The following DTL variants were observed in gnomAD, a reference collection of about 807,000 sequenced individuals.
DTL encodes the protein denticleless protein homolog.
A neutral mutation model predicts 87.0 loss-of-function variants in DTL; 46 were observed. The ratio of observed to expected loss-of-function variants is 0.53; its 90% confidence interval spans 0.42 to 0.68. The LOEUF (loss-of-function observed/expected upper bound fraction) is 0.68. Among genes scored for constraint, DTL ranks in the 30% least tolerant of loss-of-function variants. The pLI is 0.00. For synonymous variants in DTL, 308 were observed against 311.2 expected (o/e 0.99, Z 0.11); for missense variants, 737 against 869.4 (o/e 0.85, Z 1.91).
intron 13 of DTL, among the ~76,000 whole-genome samples, chr1:212,089,433 GT>G (rs1336603526): frequency 6.6e-6 from 1 of 152,148 alleles, no homozygotes; most frequent in African/African-American, 2.4e-5. Flanking sequence ...GTATTTTGGG[GT>G]TTTTTAAGGT....
intron 13 of DTL, among the ~76,000 whole-genome samples, chr1:212,093,932 G>C (rs546695420): frequency 6.6e-6 from 1 of 152,162 alleles, no homozygotes; most frequent in South Asian, 2.1e-4. Flanking sequence ...CATTTAAAGG[G>C]ACCATGCTCT....
chr1:212,091,964 C>T (rs566301934), intron 13 of DTL, among the ~76,000 whole-genome samples: 13 of 152,246 alleles, frequency 8.5e-5, no homozygotes, highest in South Asian at 6.2e-4. Flanking sequence ...AGTGATCTCT[C>T]CTTTTTTAAA....
rs1247040872 is a variant in DTL at position 212,062,897 on chromosome 1, G to A, written c.474G>A (p.Thr158=). Residue 158 remains threonine, a synonymous_variant, in exon 6 of 15, where the codon ACG becomes ACA. Coordinates refer to ENST00000366991, the MANE Select transcript of DTL (RefSeq NM_016448.4). ...FSKFEKAVFC[T]GGRDGNIMVW... ...ATTTCCCCACAGCTGTATTCTGTAC[G>A]GGTGGAAGAGATGGCAACATTATGG... The A allele has an allele frequency of 3.1e-6, 5 of 1,613,188 alleles. No individual in the cohort carries two copies. The highest frequency in any genetic ancestry group is 2.2e-5 in the South Asian group (2 of 91,064).
chr1:212,060,675 C>G (rs866503568), intron 5 of DTL, among the ~76,000 whole-genome samples: 1 of 144,958 alleles, frequency 6.9e-6, no homozygotes, highest in Non-Finnish European at 1.5e-5. Context: ...GCAGAAATTG[C>G]AATGAGCCAA....
At position 212,064,792 on chromosome 1, in the gene DTL, G is replaced by A. The variant is rs529865862; in HGVS notation, c.527-125G>A. On this transcript the variant is annotated intron_variant, in intron 6 of 14. Coordinates refer to ENST00000366991, the MANE Select transcript of DTL (RefSeq NM_016448.4). ...TCACCACAGGAGATGTAGTGCAGCT[G>A]GCTCTGCTGGCTTCTAATTTCACCA... 1.6e-4 allele frequency: 111 copies of A among 703,570 alleles called. No individual in the cohort carries two copies. In the African/African-American group the frequency reaches 1.8e-3, roughly 11 times the overall value. The allele number at this position is 703,570 out of a possible 1,614,324, so 43.6% of individuals were successfully genotyped here. A position where few individuals can be genotyped will look rare whatever the true frequency, so the allele number is the denominator to read the frequency against.
At chr1:212,041,299 T>TA (rs1446244330) in intron 1 of DTL, among the ~76,000 whole-genome samples, 3 of 152,136 alleles carry the variant, frequency 2.0e-5, no homozygotes, top group Non-Finnish European at 2.9e-5. Context: ...TGTTTAATTG[T>TA]AAAAAATTGT....
At chr1:212,079,812 G>A (rs942496999) in intron 12 of DTL, among the ~76,000 whole-genome samples, 3 of 152,272 alleles carry the variant, frequency 2.0e-5, no homozygotes, top group Middle Eastern at 3.4e-3. Context: ...AGTAAGGAAA[G>A]GAAAAAGCTG....
chr1:212,057,007 A>C (rs1351041634), intron 5 of DTL, among the ~76,000 whole-genome samples: 1 of 152,136 alleles, frequency 6.6e-6, no homozygotes, highest in African/African-American at 2.4e-5. Flanking sequence ...GGGACACTAT[A>C]AAGTGGCCAA....
chr1:212,095,342 T>G (rs954564428), intron 13 of DTL, among the ~76,000 whole-genome samples: 1 of 152,198 alleles, frequency 6.6e-6, no homozygotes, highest in African/African-American at 2.4e-5. Context: ...CTGCTTCTAT[T>G]GAAGTGATCA....
At chr1:212,051,222 A>G (rs971353942) in intron 5 of DTL, among the ~76,000 whole-genome samples, 3 of 152,048 alleles carry the variant, frequency 2.0e-5, no homozygotes, top group East Asian at 1.9e-4. Context: ...TTCAGATTCA[A>G]CATATCAAAA....
At chr1:212,091,991 G>A (rs183056303) in intron 13 of DTL, among the ~76,000 whole-genome samples, 77 of 152,094 alleles carry the variant, frequency 5.1e-4, no homozygotes, top group African/African-American at 1.7e-3. Flanking sequence ...CAATAGTTTT[G>A]GGGGAACCAG....
intron 5 of DTL, among the ~76,000 whole-genome samples, chr1:212,054,234 T>C (rs1668091851): frequency 6.6e-6 from 1 of 152,122 alleles, no homozygotes; most frequent in South Asian, 2.1e-4. Context: ...GTTCCCTTTC[T>C]CTAGCTGTCT....
At chr1:212,043,374 T>C (rs909525770) in intron 2 of DTL, among the ~76,000 whole-genome samples, 1 of 152,214 alleles carries the variant, frequency 6.6e-6, no homozygotes, top group Non-Finnish European at 1.5e-5. Flanking sequence ...AGGAAGGGGT[T>C]GCAAAGGTTC....
Position 212,101,049 on chromosome 1 carries a change from T to C in DTL, c.2059T>C (p.Ser687Pro). The C allele has an allele frequency of 1.9e-6, 3 of 1,612,458 alleles. No homozygotes were observed. Among genetic ancestry groups the C allele is most frequent in the Non-Finnish European group, 2.5e-6 (3 of 1,179,310 alleles). ...PRSPSSQTPNSRRQSGKKLPS... is the reference protein window; with the variant it reads ...PRSPSSQTPNPRRQSGKKLPS... The stretch of plus-strand genomic sequence containing the variant: ...AAGTCCGTCATCCCAGACACCCAAT[T>C]CCAGGAGACAGAGCGGAAAGAAATT... The change falls in exon 14 of 15, where the codon TCC (serine) becomes CCC (proline). Residue 687 changes from serine to proline, a missense_variant. Ser to Pro is a moderately conservative substitution (Grantham distance 74). Coordinates refer to ENST00000366991, the MANE Select transcript of DTL (RefSeq NM_016448.4).
At position 212,104,466 on chromosome 1, in the gene DTL, A is replaced by T; in HGVS notation, c.*1526A>T. 6.6e-6 allele frequency: 1 copy of T among 152,160 alleles called. No homozygotes were observed. Among genetic ancestry groups the T allele is most frequent in the East Asian group, 1.9e-4 (1 of 5,200 alleles). 9.4% of individuals were successfully genotyped at this position (152,160 alleles called of 1,614,324 possible). A position where few individuals can be genotyped will look rare whatever the true frequency, so the allele number is the denominator to read the frequency against. ...AACTGAATATTTAGGAAATCTGCCTAATCTGCTTATATTTGGTGTTTGTTT... is the reference window on the plus strand; with the variant it reads ...AACTGAATATTTAGGAAATCTGCCTTATCTGCTTATATTTGGTGTTTGTTT... On this transcript the variant is annotated 3_prime_UTR_variant, in exon 15 of 15. Coordinates refer to ENST00000366991, the MANE Select transcript of DTL (RefSeq NM_016448.4).
intron 5 of DTL, among the ~76,000 whole-genome samples, chr1:212,049,597 T>A (rs1299237306): frequency 1.3e-5 from 2 of 152,206 alleles, no homozygotes; most frequent in Non-Finnish European, 2.9e-5. Flanking sequence ...AGTTCATAGG[T>A]ACTCTAGTGT....
intron 12 of DTL, among the ~76,000 whole-genome samples, chr1:212,079,495 T>C (rs1654931614): frequency 6.6e-6 from 1 of 152,166 alleles, no homozygotes; most frequent in African/African-American, 2.4e-5. Context: ...AAGTAAAATA[T>C]GGTTTGTGTT....
At position 212,100,988 on chromosome 1, in the gene DTL, G is replaced by A. The variant is rs768844753; in HGVS notation, c.1998G>A (p.Met666Ile). 12 of 1,614,104 alleles carry A rather than the reference G, an allele frequency of 7.4e-6. No homozygotes were observed. The highest frequency in any genetic ancestry group is 3.3e-4 in the Middle Eastern group (2 of 6,062). ...SPENKNWLLA[M>I]AAKRKAENPS... is the part of the protein sequence containing the mutation. The stretch of plus-strand genomic sequence containing the variant: ...AGAATAAAAACTGGTTGTTGGCCAT[G>A]GCAGCCAAACGGAAGGCTGAGAATC... Residue 666 changes from methionine to isoleucine, a missense_variant, in exon 14 of 15, where the codon ATG becomes ATA. Physicochemically the swap from Met to Ile is conservative, Grantham distance 10. Transcript: ENST00000366991.
At chr1:212,049,500 A>G (rs1440800920) in intron 5 of DTL, among the ~76,000 whole-genome samples, 1 of 152,216 alleles carries the variant, frequency 6.6e-6, no homozygotes. Flanking sequence ...ACAACTCTGC[A>G]TGTGAATCAG....
Sources: allele counts gnomAD v4.1 joint callset (sites outside exome capture counted in the v4.1 genomes callset), GRCh38; gene constraint gnomAD v4.1.1; transcripts MANE v1.5; gene names NCBI Gene and HGNC (gene_info 2026-07-23, HGNC 2026-07-21).